The following CDH12 variants were observed in gnomAD, a reference collection of about 807,000 sequenced individuals.
CDH12 encodes cadherin-12.
Under a neutral mutation model 74.1 loss-of-function variants are expected in CDH12, and 41 were observed. The observed-to-expected ratio is 0.55, with a 90% CI of 0.43 to 0.72. The LOEUF (loss-of-function observed/expected upper bound fraction) is 0.72. Among genes scored for constraint, CDH12 ranks in the 30% least tolerant of loss-of-function variants. The pLI is 0.00. For synonymous variants in CDH12, 399 were observed against 355.0 expected (o/e 1.12, Z -1.39); for missense variants, 945 against 977.2 (o/e 0.97, Z 0.44).
intron 4 of CDH12, among the ~76,000 whole-genome samples, chr5:22,161,037 T>C (rs1363761807): frequency 2.6e-5 from 4 of 152,178 alleles, no homozygotes; most frequent in African/African-American, 9.7e-5. Flanking sequence ...ACCCTTGGAA[T>C]GCACAGGCTC....
At chr5:21,983,584 T>C (rs1473771115) in intron 5 of CDH12, among the ~76,000 whole-genome samples, 2 of 152,152 alleles carry the variant, frequency 1.3e-5, no homozygotes, top group Non-Finnish European at 1.5e-5. Context: ...GTAAATTTTC[T>C]CAATTCGAAA....
In CDH12 at chr5:22,616,242, T is replaced by C. The variant is rs369977103; in HGVS notation, c.-522-110878A>G. On this transcript the variant is annotated intron_variant, in intron 1 of 14. Coordinates refer to ENST00000382254, the MANE Select transcript of CDH12 (RefSeq NM_004061.5). ...GAGAATTAGGAGACATAGCAAAAAA[T>C]GTAATCTGTAATTCTCAATTGTTTC... 2.9e-4 allele frequency among the ~76,000 whole-genome samples: 44 copies of C among 152,180 alleles called. No homozygotes were observed. The East Asian group carries it at 2.9e-3, about 10-fold the overall frequency.
At chr5:22,490,881 G>T (rs1746833775) in intron 2 of CDH12, among the ~76,000 whole-genome samples, 1 of 152,188 alleles carries the variant, frequency 6.6e-6, no homozygotes, top group African/African-American at 2.4e-5. Flanking sequence ...TTGTGAGCCA[G>T]GGAGGTGGAA....
intron 4 of CDH12, among the ~76,000 whole-genome samples, chr5:22,123,717 A>C (rs1452138448): frequency 6.6e-6 from 1 of 152,174 alleles, no homozygotes; most frequent in Non-Finnish European, 1.5e-5. Flanking sequence ...ATTTTGCAGT[A>C]ATACAGTTAA....
At chr5:22,813,620 T>A (rs1007705537) in intron 1 of CDH12, among the ~76,000 whole-genome samples, 8 of 152,000 alleles carry the variant, frequency 5.3e-5, no homozygotes, top group African/African-American at 1.9e-4. Context: ...TTGTAAGCAA[T>A]ATTTCTGAGG....
chr5:22,513,814 G>A (rs1736703129), intron 1 of CDH12, among the ~76,000 whole-genome samples: 1 of 151,882 alleles, frequency 6.6e-6, no homozygotes, highest in Admixed American at 6.6e-5. Context: ...TGGGCTTGGT[G>A]GTGGGTGCCT....
At chr5:21,819,842 A>G (rs1748267478) in intron 8 of CDH12, among the ~76,000 whole-genome samples, 1 of 151,964 alleles carries the variant, frequency 6.6e-6, no homozygotes, top group South Asian at 2.1e-4. Context: ...GAAATTTAGG[A>G]ACACATGTGC....
At chr5:21,875,938 C>T (rs1751915021) in intron 6 of CDH12, among the ~76,000 whole-genome samples, 1 of 144,248 alleles carries the variant, frequency 6.9e-6, no homozygotes, top group South Asian at 2.3e-4. Context: ...GCTCTCTCTC[C>T]ATGCTGGAGT....
intron 3 of CDH12, among the ~76,000 whole-genome samples, chr5:22,244,831 G>A (rs182197770): frequency 1.1e-3 from 174 of 152,134 alleles, no homozygotes; most frequent in African/African-American, 4.1e-3. Context: ...GGGAGCTAGA[G>A]AGAGAGGAAG....
intron 4 of CDH12, among the ~76,000 whole-genome samples, chr5:22,150,818 T>A (rs574759297): frequency 3.3e-5 from 5 of 152,192 alleles, no homozygotes; most frequent in African/African-American, 9.6e-5. Context: ...CCCCTCTAGG[T>A]GGACAAATCA....
intron 3 of CDH12, among the ~76,000 whole-genome samples, chr5:22,226,453 G>T (rs1475618004): frequency 6.6e-6 from 1 of 151,484 alleles, no homozygotes; most frequent in Non-Finnish European, 1.5e-5. Flanking sequence ...GGAAGAACCA[G>T]AAAGTAACCT....
At chr5:22,167,957 T>C (rs1422365392) in intron 4 of CDH12, among the ~76,000 whole-genome samples, 2 of 152,162 alleles carry the variant, frequency 1.3e-5, no homozygotes, top group Non-Finnish European at 2.9e-5. Flanking sequence ...GGACACATTT[T>C]CCATTGTTTT....
chr5:22,175,284 C>G (rs1347387977), intron 4 of CDH12, among the ~76,000 whole-genome samples: 2 of 151,696 alleles, frequency 1.3e-5, no homozygotes, highest in Non-Finnish European at 2.9e-5. Flanking sequence ...AATGTACAGA[C>G]ACATTTTTCT....
At chr5:22,156,071 T>C (rs73742055) in intron 4 of CDH12, among the ~76,000 whole-genome samples, 5,415 of 152,210 alleles carry the variant, frequency 0.036, 313 homozygotes, top group African/African-American at 0.12. Flanking sequence ...TATATATATA[T>C]AAAAGATAAC....
At chr5:22,645,045 C>T (rs1021046320) in intron 1 of CDH12, among the ~76,000 whole-genome samples, 1 of 152,026 alleles carries the variant, frequency 6.6e-6, no homozygotes, top group Non-Finnish European at 1.5e-5. Context: ...AATGCTGTTT[C>T]TATGCTTGCT....
At chr5:22,742,162 AC>A (rs1475951967) in intron 1 of CDH12, among the ~76,000 whole-genome samples, 1 of 151,940 alleles carries the variant, frequency 6.6e-6, no homozygotes, top group Non-Finnish European at 1.5e-5. Flanking sequence ...AGCCTGGGTG[AC>A]AGAGCAAGAC....
chr5:22,824,417 G>C (rs1466681081), intron 1 of CDH12, among the ~76,000 whole-genome samples: 1 of 152,034 alleles, frequency 6.6e-6, no homozygotes. Context: ...TATATGAAAA[G>C]CATACACATA....
intron 2 of CDH12, among the ~76,000 whole-genome samples, chr5:22,504,229 T>A (rs944276706): frequency 6.6e-5 from 10 of 152,112 alleles, no homozygotes; most frequent in South Asian, 6.2e-4. Flanking sequence ...TCTATTTCAA[T>A]CTTACCATCT....
chr5:21,880,607 C>CTTT lies in CDH12; in HGVS notation c.527-25818_527-25817insAAA, dbSNP rs1561268224. Reference sequence around the variant, plus strand: ...TCCTTCCTTCCTTCCTTCCTTCCTTCCTTCCTTCCTTCTTTCTTTCTTTCT... The same window carrying CTTT: ...TCCTTCCTTCCTTCCTTCCTTCCTTCTTTCTTCCTTCCTTCTTTCTTTCTTTCT... On this transcript the variant is annotated intron_variant, in intron 6 of 14. Transcript: ENST00000382254. Among the ~76,000 whole-genome samples the CTTT allele has an allele frequency of 2.3e-4, 16 of 70,168 alleles. 1 individual carries two copies. Among genetic ancestry groups the CTTT allele is most frequent in the African/African-American group, 6.1e-4 (12 of 19,638 alleles). The allele number at this position is 70,168 out of a possible 152,430, so 46.0% of individuals were successfully genotyped here.
Sources: allele counts gnomAD v4.1 joint callset (sites outside exome capture counted in the v4.1 genomes callset), GRCh38; gene constraint gnomAD v4.1.1; transcripts MANE v1.5; gene names NCBI Gene and HGNC (gene_info 2026-07-23, HGNC 2026-07-21).